The following NIPBL variants were observed in gnomAD, a reference collection of about 807,000 sequenced individuals.
The protein encoded by NIPBL is nipped-B-like protein.
In NIPBL, 19 loss-of-function variants were observed where a neutral mutation model predicts 321.8. That is an observed-to-expected ratio of 0.06 (90% CI 0.04 to 0.09). NIPBL has a LOEUF of 0.09. Among genes scored for constraint, NIPBL ranks in the 10% least tolerant of loss-of-function variants. The pLI, the probability that NIPBL is intolerant of heterozygous loss-of-function variation, is 1.00. For synonymous variants in NIPBL, 1,106 were observed against 1,114.1 expected (o/e 0.99, Z 0.14); for missense variants, 2,210 against 3,327.0 (o/e 0.66, Z 8.26).
At chr5:36,896,527 A>G (rs1450764902) in intron 1 of NIPBL, among the ~76,000 whole-genome samples, 2 of 152,204 alleles carry the variant, frequency 1.3e-5, no homozygotes, top group Admixed American at 6.5e-5. Flanking sequence ...TGCCTTTACA[A>G]TAATATTAAA....
At chr5:36,987,904 A>T (rs1255591058) in intron 10 of NIPBL, among the ~76,000 whole-genome samples, 2 of 152,108 alleles carry the variant, frequency 1.3e-5, no homozygotes, top group Non-Finnish European at 2.9e-5. Flanking sequence ...TTAGGTAAAA[A>T]TTTTCTTTAA....
intron 20 of NIPBL, among the ~76,000 whole-genome samples, chr5:37,009,555 G>T (rs1346867306): frequency 6.6e-6 from 1 of 152,012 alleles, no homozygotes; most frequent in East Asian, 1.9e-4. Context: ...TAAACCTGAA[G>T]AAAAACTATG....
intron 40 of NIPBL, among the ~76,000 whole-genome samples, chr5:37,050,729 A>G (rs1338133318): frequency 2.0e-5 from 3 of 152,200 alleles, no homozygotes; most frequent in Admixed American, 1.3e-4. Context: ...CCGTAATATA[A>G]TCATTAAATT....
At chr5:36,992,709 A>ATTTTATTT (rs1745670371) in intron 10 of NIPBL, among the ~76,000 whole-genome samples, 1 of 132,456 alleles carries the variant, frequency 7.5e-6, no homozygotes. Context: ...AAAGTCATGC[A>ATTTTATTT]TTTTATTTAT....
intron 4 of NIPBL, among the ~76,000 whole-genome samples, chr5:36,959,483 A>G (rs1194259705): frequency 6.6e-6 from 1 of 152,206 alleles, no homozygotes; most frequent in Admixed American, 6.5e-5. Context: ...CTTCACCAGA[A>G]CTAATAAGTT....
At chr5:36,984,276 G>T (rs1408162989) in intron 9 of NIPBL, among the ~76,000 whole-genome samples, 1 of 151,964 alleles carries the variant, frequency 6.6e-6, no homozygotes, top group Non-Finnish European at 1.5e-5. Context: ...ACAGTTAAAA[G>T]TAACCTGAGT....
chr5:37,004,417 CT>C (rs1470468832), intron 16 of NIPBL, among the ~76,000 whole-genome samples: 1 of 150,386 alleles, frequency 6.6e-6, no homozygotes, highest in Non-Finnish European at 1.5e-5. Flanking sequence ...TTTTTCTCCC[CT>C]GATAGAGCCA....
At chr5:36,960,439 A>T (rs1386114170) in intron 4 of NIPBL, among the ~76,000 whole-genome samples, 1 of 152,060 alleles carries the variant, frequency 6.6e-6, no homozygotes, top group East Asian at 1.9e-4. Context: ...GAGCAAAACA[A>T]TTCTGTGCTG....
intron 6 of NIPBL, among the ~76,000 whole-genome samples, chr5:36,963,423 T>G (rs1337838498): frequency 1.3e-5 from 2 of 152,146 alleles, no homozygotes; most frequent in African/African-American, 4.8e-5. Flanking sequence ...TAACTCTGGT[T>G]TCCCAAAACC....
At chr5:36,925,947 A>G in intron 1 of NIPBL, among the ~76,000 whole-genome samples, 1 of 152,174 alleles carries the variant, frequency 6.6e-6, no homozygotes, top group Middle Eastern at 3.2e-3. Flanking sequence ...ATGCTCATTT[A>G]GCTAGGTATC....
At chr5:37,038,766 A>T (rs139063023) in intron 34 of NIPBL, 28 bp downstream of exon 34, 1 of 1,607,826 alleles carries the variant, frequency 6.2e-7, no homozygotes, top group East Asian at 2.2e-5. Flanking sequence ...TTATTCTTGT[A>T]TCTTACATAA....
intron 1 of NIPBL, among the ~76,000 whole-genome samples, chr5:36,894,784 T>C (rs1746607848): frequency 6.6e-6 from 1 of 152,230 alleles, no homozygotes; most frequent in African/African-American, 2.4e-5. Context: ...ATAGAAATTA[T>C]ATGTTAGCTT....
chr5:36,936,779 A>C (rs1437575772), intron 1 of NIPBL, among the ~76,000 whole-genome samples: 1 of 152,122 alleles, frequency 6.6e-6, no homozygotes, highest in East Asian at 1.9e-4. Flanking sequence ...CAGACTCCTC[A>C]AAGTTCCATA....
At chr5:36,930,659 G>A (rs981685099) in intron 1 of NIPBL, among the ~76,000 whole-genome samples, 2 of 152,096 alleles carry the variant, frequency 1.3e-5, no homozygotes, top group African/African-American at 2.4e-5. Context: ...CTCCTGATAG[G>A]GAAGTTAGCT....
At chr5:37,017,404 A>G (rs1017636926) in intron 24 of NIPBL, among the ~76,000 whole-genome samples, 1 of 152,066 alleles carries the variant, frequency 6.6e-6, no homozygotes, top group African/African-American at 2.4e-5. Flanking sequence ...ACTCTTAATA[A>G]TGTATAATGC....
intron 1 of NIPBL, among the ~76,000 whole-genome samples, chr5:36,888,505 A>G (rs1363176684): frequency 6.6e-6 from 1 of 152,150 alleles, no homozygotes; most frequent in Non-Finnish European, 1.5e-5. Context: ...GGACTTTTGA[A>G]TTGACTTTCC....
At chr5:36,946,572 G>T (rs887964761) in intron 1 of NIPBL, among the ~76,000 whole-genome samples, 2 of 117,096 alleles carry the variant, frequency 1.7e-5, no homozygotes, top group Non-Finnish European at 3.4e-5. Flanking sequence ...ATATGCATGT[G>T]TCTGTGTGTG....
chr5:36,985,348 A>G lies in NIPBL; in HGVS notation c.2168A>G (p.Glu723Gly). ...AAACAAAAGAGTGATGGGCATCCTG[A>G]AACCCCAAAACAGAAGGGTGATGGA... ...TPKQKSDGHP[E>G]TPKQKGDGRP... Residue 723 changes from glutamate (E) to glycine (G), a missense_variant, in exon 10 of 47, where the codon GAA becomes GGA. Around this residue, in one of 14 missense-constraint regions of NIPBL, gnomAD observed 588 missense variants for 564.1 expected, o/e 1.04. Coordinates refer to ENST00000282516, the MANE Select transcript of NIPBL (RefSeq NM_133433.4). 6.2e-7 allele frequency: 1 copy of G among 1,613,754 alleles called. No individual in the cohort carries two copies. The highest frequency in any genetic ancestry group is 8.5e-7 in the Non-Finnish European group (1 of 1,179,950).
chr5:36,887,251 A>G (rs553439304), intron 1 of NIPBL, among the ~76,000 whole-genome samples: 1 of 152,354 alleles, frequency 6.6e-6, no homozygotes, highest in East Asian at 1.9e-4. Context: ...AATAGGTAGC[A>G]TCTTGCATTT....
Sources: allele counts gnomAD v4.1 joint callset (sites outside exome capture counted in the v4.1 genomes callset), GRCh38; gene constraint gnomAD v4.1.1; regional missense constraint gnomAD v4.1.1; transcripts MANE v1.5; gene names NCBI Gene and HGNC (gene_info 2026-07-23, HGNC 2026-07-21).